Variants in FMN1 observed in about 807,000 individuals in gnomAD.
FMN1 encodes formin-1.
A neutral mutation model predicts 132.4 loss-of-function variants in FMN1; 110 were observed. The observed-to-expected ratio is 0.83, with a 90% CI of 0.71 to 0.97. The LOEUF (loss-of-function observed/expected upper bound fraction) is 0.97, where lower values mean the gene tolerates loss of function less well. Among genes scored for constraint, FMN1 ranks in the 50% least tolerant of loss-of-function variants. The probability of loss-of-function intolerance (pLI) is 0.00; values close to 1 mark genes in which losing one functional copy is unlikely to be tolerated. For synonymous variants in FMN1, 722 were observed against 651.7 expected (o/e 1.11, Z -1.64); for missense variants, 1,792 against 1,705.3 (o/e 1.05, Z -0.90).
At chr15:33,058,400 A>T (rs1305620698) in intron 6 of FMN1, among the ~76,000 whole-genome samples, 1 of 152,188 alleles carries the variant, frequency 6.6e-6, no homozygotes, top group Non-Finnish European at 1.5e-5. Flanking sequence ...CCACTGAAAT[A>T]ACAACTGTTA....
At chr15:32,981,266 T>C (rs112190192) in intron 7 of FMN1, among the ~76,000 whole-genome samples, 2 of 151,506 alleles carry the variant, frequency 1.3e-5, no homozygotes, top group African/African-American at 4.8e-5. Flanking sequence ...CGGAGGCGGG[T>C]GGATCATGAG....
chr15:33,150,630 TGGTTCCTGG>T lies in FMN1; in HGVS notation c.1867+2409_1867+2417del, dbSNP rs1178614060. On this transcript the variant is annotated intron_variant, in intron 4 of 20. Coordinates refer to ENST00000616417, the MANE Select transcript of FMN1 (RefSeq NM_001277313.2). ...TGTAACAAGGATAAGCGGGTTTCAC[TGGTTCCTGG>T]GAATTACTACTTGCCTCTAACATTG... 3.0e-6 allele frequency: 3 copies of T among 985,398 alleles called. No individual in the cohort carries two copies. The African/African-American group carries it at 5.2e-5, about 17-fold the overall frequency. The allele number at this position is 985,398 out of a possible 1,614,324, so 61.0% of individuals were successfully genotyped here. A position where few individuals can be genotyped will look rare whatever the true frequency, so the allele number is the denominator to read the frequency against.
In FMN1 at chr15:33,174,469, A is replaced by C. The variant is rs370852010; in HGVS notation, c.-132+5729T>G. ...CATTCTGAGCCAGTATTTTGTGTAC[A>C]TTATGTTATACAATCTTCTTGAAAA... On this transcript the variant is annotated intron_variant, in intron 3 of 20. Transcript: ENST00000616417. 2.6e-5 allele frequency among the ~76,000 whole-genome samples: 4 copies of C among 152,314 alleles called. 1 individual carries two copies. Among genetic ancestry groups the C allele is most frequent in the South Asian group, 4.1e-4 (2 of 4,828 alleles).
At chr15:32,977,860 A>C (rs74012420) in intron 7 of FMN1, among the ~76,000 whole-genome samples, 1,550 of 151,600 alleles carry the variant, frequency 0.01, 29 homozygotes, top group African/African-American at 0.036. Context: ...AGATACAATT[A>C]TTCTTTTTTT....
At chr15:33,122,580 A>G (rs1326347895) in intron 4 of FMN1, among the ~76,000 whole-genome samples, 1 of 152,220 alleles carries the variant, frequency 6.6e-6, no homozygotes, top group East Asian at 1.9e-4. Flanking sequence ...ATCACCTTCT[A>G]AACAGTACCA....
At chr15:33,002,659 A>C (rs944576628) in intron 7 of FMN1, among the ~76,000 whole-genome samples, 1 of 152,184 alleles carries the variant, frequency 6.6e-6, no homozygotes, top group African/African-American at 2.4e-5. Flanking sequence ...CAGCAGGTTG[A>C]AGTCATACAA....
chr15:33,077,431 T>C (rs1278459051), intron 5 of FMN1, among the ~76,000 whole-genome samples: 1 of 151,344 alleles, frequency 6.6e-6, no homozygotes, highest in Non-Finnish European at 1.5e-5. Flanking sequence ...TTGTTACATA[T>C]GTATACATGT....
chr15:33,136,979 C>T (rs1595552610), intron 4 of FMN1, among the ~76,000 whole-genome samples: 1 of 150,042 alleles, frequency 6.7e-6, no homozygotes, highest in Admixed American at 6.7e-5. Flanking sequence ...TCCCAGCTAC[C>T]TGGGAGGCTG....
chr15:33,081,401 G>A (rs934551296), intron 5 of FMN1, among the ~76,000 whole-genome samples: 2 of 152,054 alleles, frequency 1.3e-5, no homozygotes, highest in Admixed American at 6.6e-5. Context: ...AAAGTAATTA[G>A]GATATCCATC....
chr15:33,101,773 T>A (rs146106169), intron 4 of FMN1, among the ~76,000 whole-genome samples: 6 of 152,188 alleles, frequency 3.9e-5, no homozygotes, highest in African/African-American at 1.4e-4. Context: ...TTCAACAACT[T>A]CTTGTTGCAT....
intron 4 of FMN1, among the ~76,000 whole-genome samples, chr15:33,124,355 C>A (rs1449119752): frequency 6.6e-6 from 1 of 152,224 alleles, no homozygotes; most frequent in Non-Finnish European, 1.5e-5. Flanking sequence ...CCTCTCCGGG[C>A]TACTTCTGAT....
chr15:33,097,505 A>G (rs995099705), intron 4 of FMN1, among the ~76,000 whole-genome samples: 1 of 152,178 alleles, frequency 6.6e-6, no homozygotes, highest in African/African-American at 2.4e-5. Flanking sequence ...GACAATTATA[A>G]AAGTGGACAA....
chr15:32,867,356 C>T (rs1027032180), intron 16 of FMN1, among the ~76,000 whole-genome samples: 4 of 152,254 alleles, frequency 2.6e-5, no homozygotes, highest in Non-Finnish European at 5.9e-5. Context: ...CCTGCTCTCC[C>T]TGCCACAGTG....
chr15:33,141,104 T>C (rs55751640), intron 4 of FMN1, among the ~76,000 whole-genome samples: 5 of 152,278 alleles, frequency 3.3e-5, no homozygotes, highest in Non-Finnish European at 7.4e-5. Flanking sequence ...CAGCTTTTCT[T>C]CTTACTTTGT....
chr15:32,968,901 G>A lies in FMN1; in HGVS notation c.2800C>T (p.Pro934Ser), dbSNP rs2031501448. The A allele has an allele frequency of 1.3e-6, 1 of 779,228 alleles. No individual in the cohort carries two copies. Among genetic ancestry groups the A allele is most frequent in the South Asian group, 1.8e-5 (1 of 55,684 alleles). The allele number at this position is 779,228 out of a possible 1,614,324, so 48.3% of individuals were successfully genotyped here. Residue 934 changes from proline (P) to serine (S), a missense_variant, in exon 8 of 21, where the codon CCT (proline) becomes TCT (serine). This residue lies in a region of FMN1 where 1,150 missense variants were observed against 1,043.1 expected (regional missense o/e 1.10). Coordinates refer to ENST00000616417, the MANE Select transcript of FMN1 (RefSeq NM_001277313.2). ...GGCCCTCCAGGGTTGGGTGGGGCAG[G>A]GGAGTTAGGAAGTGGGGGTGGGGGT... is the stretch of plus-strand genomic sequence containing the variant. The part of the protein sequence containing the change: ...PPPPPPLPNS[P>S]APPNPGGPPP...
chr15:33,014,146 C>T (rs778297914), intron 6 of FMN1, among the ~76,000 whole-genome samples: 2 of 152,240 alleles, frequency 1.3e-5, no homozygotes, highest in South Asian at 2.1e-4. Flanking sequence ...GCCTTTACTA[C>T]TGGCATTGGT....
intron 6 of FMN1, among the ~76,000 whole-genome samples, chr15:33,020,378 T>C (rs1244302865): frequency 7.4e-6 from 1 of 135,280 alleles, no homozygotes; most frequent in African/African-American, 2.7e-5. Context: ...CCAGGCGCGG[T>C]GGCTCATGCC....
intron 2 of FMN1, among the ~76,000 whole-genome samples, chr15:33,184,411 T>C (rs991499247): frequency 2.6e-5 from 4 of 152,192 alleles, no homozygotes; most frequent in African/African-American, 9.6e-5. Flanking sequence ...TTTCTTCTTT[T>C]CCACATTTCA....
At chr15:33,104,807 G>A (rs375076036) in intron 4 of FMN1, among the ~76,000 whole-genome samples, 10 of 152,204 alleles carry the variant, frequency 6.6e-5, no homozygotes, top group African/African-American at 2.2e-4. Flanking sequence ...CTTTACTAAA[G>A]GGATTTGACA....
Sources: allele counts gnomAD v4.1 joint callset (sites outside exome capture counted in the v4.1 genomes callset), GRCh38; gene constraint gnomAD v4.1.1; regional missense constraint gnomAD v4.1.1; transcripts MANE v1.5; gene names NCBI Gene and HGNC (gene_info 2026-07-23, HGNC 2026-07-21).